The following REDIC1 variants were observed in gnomAD, a reference collection of about 807,000 sequenced individuals.
REDIC1 encodes regulator of DNA class I crossover intermediates 1, also known as HEI10 Interacting Protein 1.
At chr12:39,658,463 C>T in the REDIC1 span, among the ~76,000 whole-genome samples, 2 of 152,072 alleles carry the variant, frequency 1.3e-5, no homozygotes, top group Non-Finnish European at 2.9e-5. Context: ...TATTTGGTTC[C>T]CAGAAACTAA....
chr12:39,665,430 A>G, the REDIC1 span, among the ~76,000 whole-genome samples: 1 of 151,514 alleles, frequency 6.6e-6, no homozygotes, highest in Non-Finnish European at 1.5e-5. Context: ...CCATTGTTCT[A>G]TATCTCTGTT....
the REDIC1 span, among the ~76,000 whole-genome samples, chr12:39,805,095 C>A: frequency 3.6e-5 from 3 of 83,076 alleles, no homozygotes; most frequent in Admixed American, 3.9e-4. Flanking sequence ...CAGTGAGGGT[C>A]ATCAGTGACG....
the REDIC1 span, among the ~76,000 whole-genome samples, chr12:39,730,498 TG>T: frequency 6.6e-6 from 1 of 152,242 alleles, no homozygotes; most frequent in Admixed American, 6.5e-5. Context: ...AACTTTCTTC[TG>T]GCTTGTAGGG....
chr12:39,666,709 G>A, the REDIC1 span, among the ~76,000 whole-genome samples: 217 of 152,114 alleles, frequency 1.4e-3, no homozygotes, highest in African/African-American at 4.9e-3. Context: ...ACTTGTTTTG[G>A]TTGGTAAGCT....
the REDIC1 span, among the ~76,000 whole-genome samples, chr12:39,850,606 G>A: frequency 6.6e-6 from 1 of 152,092 alleles, no homozygotes; most frequent in African/African-American, 2.4e-5. Flanking sequence ...TTAGTATACG[G>A]TAATTGCCAA....
At chr12:39,778,411 G>A in the REDIC1 span, among the ~76,000 whole-genome samples, 1 of 152,126 alleles carries the variant, frequency 6.6e-6, no homozygotes, top group Non-Finnish European at 1.5e-5. Context: ...CTGGGGGAAA[G>A]TGTCTCATAT....
chr12:39,753,355 AT>A, the REDIC1 span, among the ~76,000 whole-genome samples: 1 of 152,322 alleles, frequency 6.6e-6, no homozygotes, highest in Middle Eastern at 3.4e-3. Flanking sequence ...TTTTTAAAAC[AT>A]TGAAAAGACT....
chr12:39,897,343 T>G, the REDIC1 span, among the ~76,000 whole-genome samples: 2 of 152,182 alleles, frequency 1.3e-5, no homozygotes, highest in African/African-American at 4.8e-5. Context: ...CTCCATATTT[T>G]GAAATCTCAC....
the REDIC1 span, among the ~76,000 whole-genome samples, chr12:39,899,768 A>G: frequency 6.6e-6 from 1 of 152,098 alleles, no homozygotes; most frequent in Non-Finnish European, 1.5e-5. Flanking sequence ...CAGGTTGTTC[A>G]GTTTCCATGT....
the REDIC1 span, among the ~76,000 whole-genome samples, chr12:39,810,332 G>T: frequency 6.6e-6 from 1 of 152,102 alleles, no homozygotes; most frequent in African/African-American, 2.4e-5. Context: ...TTTGCCAATT[G>T]TTAGTAATAG....
At chr12:39,654,944 T>C in the REDIC1 span, among the ~76,000 whole-genome samples, 4 of 152,342 alleles carry the variant, frequency 2.6e-5, no homozygotes, top group East Asian at 7.7e-4. Context: ...TAGTTTGTTC[T>C]TGAGTCAATT....
chr12:39,839,098 A>G, the REDIC1 span, among the ~76,000 whole-genome samples: 516 of 152,138 alleles, frequency 3.4e-3, 3 homozygotes, highest in African/African-American at 0.012. Flanking sequence ...CCTAACAGCT[A>G]TTCCCAAACT....
At chr12:39,850,094 C>T in the REDIC1 span, among the ~76,000 whole-genome samples, 2 of 152,112 alleles carry the variant, frequency 1.3e-5, no homozygotes, top group Non-Finnish European at 2.9e-5. Context: ...ATGTTCCCTG[C>T]TTTGGCCTGC....
At chr12:39,738,413 A>G in the REDIC1 span, among the ~76,000 whole-genome samples, 3 of 152,234 alleles carry the variant, frequency 2.0e-5, no homozygotes, top group Non-Finnish European at 4.4e-5. Flanking sequence ...GAAGTTAACA[A>G]GGTAAACCAA....
chr12:39,700,786 A>G, the REDIC1 span, among the ~76,000 whole-genome samples: 101 of 152,174 alleles, frequency 6.6e-4, no homozygotes, highest in African/African-American at 2.4e-3. Context: ...AATATTCAAC[A>G]TTCTTAAAGA....
chr12:39,789,946 A>T, the REDIC1 span, among the ~76,000 whole-genome samples: 2 of 152,150 alleles, frequency 1.3e-5, no homozygotes, highest in African/African-American at 4.8e-5. Context: ...TATCTTTAAT[A>T]TACAACATGA....
At chr12:39,789,446 A>G in the REDIC1 span, among the ~76,000 whole-genome samples, 189 of 152,306 alleles carry the variant, frequency 1.2e-3, no homozygotes, top group Non-Finnish European at 2.0e-3. Context: ...TCCCTGATGT[A>G]TACATCCCCC....
At chr12:39,743,754 G>A in the REDIC1 span, among the ~76,000 whole-genome samples, 1 of 152,064 alleles carries the variant, frequency 6.6e-6, no homozygotes, top group Non-Finnish European at 1.5e-5. Context: ...TGGAGCTGGA[G>A]GGTATGTCAA....
At chr12:39,764,974 G>T in the REDIC1 span, 1 of 1,203,458 alleles carries the variant, frequency 8.3e-7, no homozygotes, top group Non-Finnish European at 1.1e-6. Context: ...AGTCCAAAAT[G>T]TTTTTCTTAA....
Sources: gnomAD v4.1 joint callset for allele counts (sites outside exome capture counted in the v4.1 genomes callset) on GRCh38, gnomAD v4.1.1 for gene constraint, MANE v1.5 for transcripts, NCBI Gene and HGNC (gene_info 2026-07-23, HGNC 2026-07-21) for gene names.